The following SAMD4A variants were observed in gnomAD, a reference collection of about 807,000 sequenced individuals.
The protein encoded by SAMD4A is sterile alpha motif domain containing 4A.
SAMD4A carries 33 observed loss-of-function variants against 81.3 expected under a neutral mutation model. The ratio of observed to expected loss-of-function variants is 0.41; its 90% CI spans 0.31 to 0.54. SAMD4A has a LOEUF of 0.54. Among genes scored for constraint, SAMD4A ranks in the 20% least tolerant of loss-of-function variants. The probability of loss-of-function intolerance (pLI) is 0.37; values close to 1 mark genes in which losing one functional copy is unlikely to be tolerated. For synonymous variants in SAMD4A, 389 were observed against 382.1 expected (o/e 1.02, Z -0.21); for missense variants, 854 against 951.1 (o/e 0.90, Z 1.34).
At chr14:54,675,975 C>T (rs755936268) in intron 2 of SAMD4A, among the ~76,000 whole-genome samples, 15 of 152,204 alleles carry the variant, frequency 9.9e-5, no homozygotes, top group African/African-American at 2.9e-4. Context: ...AATCCTTCCA[C>T]GGGAGGGCTC....
chr14:54,670,695 C>T (rs934289043), intron 2 of SAMD4A, among the ~76,000 whole-genome samples: 3 of 152,180 alleles, frequency 2.0e-5, no homozygotes, highest in Non-Finnish European at 4.4e-5. Flanking sequence ...GTTATTGCTG[C>T]AATTGTTGTC....
In SAMD4A at chr14:54,790,811, C is replaced by T. The variant is rs2039247188; in HGVS notation, c.*1867C>T. ...CAGACCTAAAAGGCCTTAATGAAAT[C>T]CGAACAATTTTCTTTTACTTTCAAG... On this transcript the variant is annotated 3_prime_UTR_variant, in exon 13 of 13. Coordinates refer to ENST00000554335, the MANE Select transcript of SAMD4A (RefSeq NM_015589.6). 1 of 151,698 alleles carries T rather than the reference C, an allele frequency of 6.6e-6. No individual in the cohort carries two copies. Among genetic ancestry groups the T allele is most frequent in the Admixed American group, 6.6e-5 (1 of 15,222 alleles). 9.4% of individuals were successfully genotyped at this position (151,698 alleles called of 1,614,324 possible).
intron 2 of SAMD4A, among the ~76,000 whole-genome samples, chr14:54,592,561 G>A (rs147908446): frequency 0.013 from 1,982 of 152,220 alleles, 43 homozygotes; most frequent in African/African-American, 0.045. Flanking sequence ...CCGGGTTCAC[G>A]CCATTCTCCT....
At chr14:54,737,618 T>G (rs1420914686) in intron 4 of SAMD4A, among the ~76,000 whole-genome samples, 1 of 149,382 alleles carries the variant, frequency 6.7e-6, no homozygotes, top group Non-Finnish European at 1.5e-5. Context: ...GATAGGATCT[T>G]CTGTTTGTAA....
intron 2 of SAMD4A, among the ~76,000 whole-genome samples, chr14:54,641,053 T>TA (rs1340520066): frequency 1.3e-5 from 2 of 152,206 alleles, no homozygotes; most frequent in African/African-American, 4.8e-5. Context: ...TGTTCCTCCT[T>TA]AATGCCTTTA....
rs571178589 is a variant in SAMD4A, at chr14:54,663,848, A to G, written c.197-38214A>G. On this transcript the variant is annotated intron_variant, in intron 2 of 12. Transcript: ENST00000554335. The stretch of plus-strand genomic sequence containing the variant: ...AACCTCTATCTATGGCAGTCAGTTA[A>G]TGGGCTGCTCTCCAGTGAGCCATCC... Among the ~76,000 whole-genome samples, 16 of 152,304 alleles carry G rather than the reference A, an allele frequency of 1.1e-4. No homozygotes were observed. The South Asian group carries it at 1.7e-3, about 16-fold the overall frequency.
chr14:54,678,597 G>A (rs1001853050), intron 2 of SAMD4A, among the ~76,000 whole-genome samples: 33 of 150,218 alleles, frequency 2.2e-4, no homozygotes, highest in Non-Finnish European at 4.0e-4. Flanking sequence ...CGCCCAGGCC[G>A]GAGTGCAGCG....
At chr14:54,761,069 G>A (rs74049641) in intron 7 of SAMD4A, among the ~76,000 whole-genome samples, 3,757 of 152,300 alleles carry the variant, frequency 0.025, 84 homozygotes, top group Middle Eastern at 0.065. Flanking sequence ...CCGTGTCTGC[G>A]TTTATATTCT....
chr14:54,583,400 G>A (rs1036386424), intron 2 of SAMD4A, among the ~76,000 whole-genome samples: 20 of 152,142 alleles, frequency 1.3e-4, no homozygotes, highest in African/African-American at 3.6e-4. Context: ...GCAGTGCCCC[G>A]AGAAGCAGCA....
chr14:54,595,195 G>C (rs1486513300), intron 2 of SAMD4A, among the ~76,000 whole-genome samples: 1 of 151,928 alleles, frequency 6.6e-6, no homozygotes, highest in Non-Finnish European at 1.5e-5. Flanking sequence ...CACTTCTCAG[G>C]TATAGCCATT....
intron 2 of SAMD4A, among the ~76,000 whole-genome samples, chr14:54,648,015 T>A (rs974673100): frequency 2.0e-5 from 3 of 152,254 alleles, no homozygotes; most frequent in Admixed American, 1.3e-4. Context: ...ATGTGGCCCT[T>A]GAGCACTTAA....
In SAMD4A at chr14:54,567,828, G is replaced by C. The variant is rs2140093176; in HGVS notation, c.-89G>C. 1 of 1,444,180 alleles carries C rather than the reference G, an allele frequency of 6.9e-7. No individual in the cohort carries two copies. Among genetic ancestry groups the C allele is most frequent in the East Asian group, 2.5e-5 (1 of 40,710 alleles). The allele number at this position is 1,444,180 out of a possible 1,614,324, so 89.5% of individuals were successfully genotyped here. A position where few individuals can be genotyped will look rare whatever the true frequency, so the allele number is the denominator to read the frequency against. On this transcript the variant is annotated 5_prime_UTR_variant, in exon 2 of 13. Transcript: ENST00000554335. ...TTGGAACAGGAACGCGTCTCCGGCC[G>C]CGGGGCTGCGGCTCCGCCAAACTTT...
intron 4 of SAMD4A, among the ~76,000 whole-genome samples, chr14:54,746,741 A>G (rs1195376612): frequency 6.6e-6 from 1 of 152,200 alleles, no homozygotes; most frequent in Non-Finnish European, 1.5e-5. Flanking sequence ...AGAGCCTGCT[A>G]CCTTCTCTTT....
chr14:54,754,825 T>C (rs11627203), intron 6 of SAMD4A: 498,115 of 986,312 alleles, frequency 0.51, 132,179 homozygotes, highest in Non-Finnish European at 0.54. Flanking sequence ...TGCAGAGCTC[T>C]TTTGTTCAGT....
Position 54,770,024 on chromosome 14 carries a change from T to G in SAMD4A, c.1597-80T>G, listed in dbSNP as rs562974177. On this transcript the variant is annotated intron_variant, in intron 8 of 12. Transcript: ENST00000554335. ...AAAGGCAACTGCAGAGACTCCAATG[T>G]TTTCCCCTTATTAATTGCATGTTTC... 9 of 893,790 alleles carry G rather than the reference T, an allele frequency of 1.0e-5. No individual in the cohort carries two copies. The South Asian group carries it at 1.3e-4, about 13-fold the overall frequency. 55.4% of individuals were successfully genotyped at this position (893,790 alleles called of 1,614,324 possible).
chr14:54,779,050 C>A (rs143027462), intron 11 of SAMD4A, among the ~76,000 whole-genome samples: 1 of 152,218 alleles, frequency 6.6e-6, no homozygotes, highest in African/African-American at 2.4e-5. Context: ...CAGGTCCAGA[C>A]GAAGGCTCAT....
rs1209755689 is a variant in SAMD4A at position 54,793,042 on chromosome 14, C to T, written c.*4098C>T. On this transcript the variant is annotated 3_prime_UTR_variant, in exon 13 of 13. Transcript: ENST00000554335. ...GCCTAGTTCATGTTGCCAAGCAATGCATATTTTTTAAATTTGTCATATATG... is the reference window on the plus strand; with the variant it reads ...GCCTAGTTCATGTTGCCAAGCAATGTATATTTTTTAAATTTGTCATATATG... 1 of 152,172 alleles carries T rather than the reference C, an allele frequency of 6.6e-6. No individual in the cohort carries two copies. The highest frequency in any genetic ancestry group is 1.5e-5 in the Non-Finnish European group (1 of 68,028). The allele number at this position is 152,172 out of a possible 1,614,324, so 9.4% of individuals were successfully genotyped here.
intron 2 of SAMD4A, among the ~76,000 whole-genome samples, chr14:54,594,838 A>G (rs950451280): frequency 3.9e-5 from 6 of 152,258 alleles, no homozygotes; most frequent in African/African-American, 7.2e-5. Flanking sequence ...GGAAATATGC[A>G]TGGCTGACAT....
chr14:54,667,623 C>T (rs529526318), intron 2 of SAMD4A, among the ~76,000 whole-genome samples: 1 of 152,324 alleles, frequency 6.6e-6, no homozygotes, highest in Non-Finnish European at 1.5e-5. Context: ...TTGCCTTCTC[C>T]CTGTCACCCA....
Sources: gnomAD v4.1 joint callset for allele counts (sites outside exome capture counted in the v4.1 genomes callset) on GRCh38, gnomAD v4.1.1 for gene constraint, MANE v1.5 for transcripts, NCBI Gene and HGNC (gene_info 2026-07-23, HGNC 2026-07-21) for gene names.